Variants in RNLS observed in about 807,000 individuals in gnomAD.
RNLS encodes the protein renalase, FAD dependent amine oxidase, also known as renalase.
Under a neutral mutation model 39.8 loss-of-function variants are expected in RNLS, and 39 were observed. The observed-to-expected ratio is 0.98, with a 90% CI of 0.76 to 1.28. The LOEUF (loss-of-function observed/expected upper bound fraction) is 1.28, where lower values mean the gene tolerates loss of function less well. Ranked by LOEUF, RNLS falls within the 50% of genes most tolerant of loss-of-function variation. The pLI, the probability that RNLS is intolerant of heterozygous loss-of-function variation, is 0.00. For missense variants in RNLS, 410 were observed against 413.3 expected, an observed-to-expected ratio of 0.99 and a Z score of 0.07; for synonymous variants, 147 against 150.7, an observed-to-expected ratio of 0.98 and a Z score of 0.18.
At chr10:88,464,223 A>G (rs1182647259) in intron 4 of RNLS, among the ~76,000 whole-genome samples, 1 of 152,148 alleles carries the variant, frequency 6.6e-6, no homozygotes, top group African/African-American at 2.4e-5. Flanking sequence ...GAAAGCTTGT[A>G]GAAACAGCAC....
intron 4 of RNLS, among the ~76,000 whole-genome samples, chr10:88,536,224 TAC>T (rs1328665573): frequency 6.6e-6 from 1 of 152,214 alleles, no homozygotes; most frequent in Non-Finnish European, 1.5e-5. Context: ...TTAGCATAGT[TAC>T]AGTCATCTTT....
intron 4 of RNLS, among the ~76,000 whole-genome samples, chr10:88,415,050 A>G (rs1424202577): frequency 6.6e-6 from 1 of 152,200 alleles, no homozygotes; most frequent in Non-Finnish European, 1.5e-5. Flanking sequence ...TGTATGTGTG[A>G]GCTCTTAGCA....
intron 4 of RNLS, among the ~76,000 whole-genome samples, chr10:88,556,840 C>A (rs1279018395): frequency 6.6e-6 from 1 of 152,110 alleles, no homozygotes; most frequent in Non-Finnish European, 1.5e-5. Flanking sequence ...TCTATTTCTC[C>A]TATCTTGTTT....
At chr10:88,563,603 A>C (rs978703687) in intron 4 of RNLS, among the ~76,000 whole-genome samples, 1 of 152,156 alleles carries the variant, frequency 6.6e-6, no homozygotes, top group African/African-American at 2.4e-5. Flanking sequence ...GAAGCCAGAG[A>C]ATGTAGCCAG....
chr10:88,286,320 C>T (rs1400333160), intron 6 of RNLS, among the ~76,000 whole-genome samples: 1 of 152,026 alleles, frequency 6.6e-6, no homozygotes, highest in African/African-American at 2.4e-5. Flanking sequence ...GACCCCAAAG[C>T]AGTCTTTTTA....
chr10:88,284,607 C>G lies in RNLS; in HGVS notation c.*747G>C. On this transcript the variant is annotated 3_prime_UTR_variant, in exon 7 of 7. Transcript: ENST00000331772. The stretch of plus-strand genomic sequence containing the variant: ...TGGAGAACCCATAAAGTAACAGCAA[C>G]AGCTATAAAATATAGCAAAAGGTAA... 1 of 985,052 alleles carries G rather than the reference C, an allele frequency of 1.0e-6. No individual in the cohort carries two copies. The highest frequency in any genetic ancestry group is 1.1e-4 in the East Asian group (1 of 8,808). The allele number at this position is 985,052 out of a possible 1,614,324, so 61.0% of individuals were successfully genotyped here. A position where few individuals can be genotyped will look rare whatever the true frequency, so the allele number is the denominator to read the frequency against.
chr10:88,192,546 GC>G, the RNLS span, among the ~76,000 whole-genome samples: 1 of 152,194 alleles, frequency 6.6e-6, no homozygotes, highest in Admixed American at 6.5e-5. Context: ...ACTATGGAGG[GC>G]CTAGAGTATT....
At chr10:88,431,727 T>C (rs565031765) in intron 4 of RNLS, among the ~76,000 whole-genome samples, 100 of 151,870 alleles carry the variant, frequency 6.6e-4, no homozygotes, top group African/African-American at 2.3e-3. Flanking sequence ...ACTTTCCCCT[T>C]GAGCTATTTG....
the RNLS span, among the ~76,000 whole-genome samples, chr10:88,262,511 C>T: frequency 6.6e-6 from 1 of 152,156 alleles, no homozygotes; most frequent in Admixed American, 6.5e-5. Context: ...TAATTTTACC[C>T]CTCACCTAGG....
the RNLS span, among the ~76,000 whole-genome samples, chr10:88,230,810 C>G: frequency 1.3e-5 from 2 of 152,190 alleles, no homozygotes; most frequent in Non-Finnish European, 2.9e-5. Context: ...CCATTGGTTC[C>G]TCCCAAGAAG....
chr10:88,502,281 C>T (rs550664552), intron 4 of RNLS, among the ~76,000 whole-genome samples: 5 of 128,950 alleles, frequency 3.9e-5, no homozygotes, highest in South Asian at 2.7e-4. Context: ...AAGGAGGAGG[C>T]CCTTTAGCAG....
intron 5 of RNLS, among the ~76,000 whole-genome samples, chr10:88,337,509 A>G (rs1374969239): frequency 1.3e-5 from 2 of 152,196 alleles, no homozygotes; most frequent in Non-Finnish European, 2.9e-5. Context: ...TCAGGTCAAT[A>G]AGACTCAATT....
the RNLS span, among the ~76,000 whole-genome samples, chr10:88,171,677 T>C: frequency 6.6e-6 from 1 of 152,262 alleles, no homozygotes; most frequent in Admixed American, 6.5e-5. Context: ...ATTTATCATT[T>C]CTTTGTGTTG....
downstream of RNLS, among the ~76,000 whole-genome samples, chr10:88,271,882 G>A (rs1436757122): frequency 6.6e-6 from 1 of 152,146 alleles, no homozygotes; most frequent in Non-Finnish European, 1.5e-5. Flanking sequence ...TTCTGTATGC[G>A]GCTCTAACTC....
At chr10:88,455,639 C>T (rs185799765) in intron 4 of RNLS, among the ~76,000 whole-genome samples, 1 of 152,274 alleles carries the variant, frequency 6.6e-6, no homozygotes, top group East Asian at 1.9e-4. Context: ...ATCTCTTGAT[C>T]TCGTGATCCG....
intron 4 of RNLS, among the ~76,000 whole-genome samples, chr10:88,539,852 T>C (rs1259003926): frequency 6.6e-6 from 1 of 152,144 alleles, no homozygotes; most frequent in Non-Finnish European, 1.5e-5. Flanking sequence ...ATATCATTCA[T>C]GATCTAATTT....
chr10:88,563,313 G>C (rs1455213296), intron 4 of RNLS, among the ~76,000 whole-genome samples: 1 of 152,050 alleles, frequency 6.6e-6, no homozygotes, highest in Non-Finnish European at 1.5e-5. Flanking sequence ...GTTTCCATAG[G>C]AAAAGAGTTT....
At chr10:88,298,670 A>G (rs1048191670) in intron 6 of RNLS, among the ~76,000 whole-genome samples, 21 of 152,228 alleles carry the variant, frequency 1.4e-4, no homozygotes, top group African/African-American at 5.1e-4. Flanking sequence ...TGAACTTTCA[A>G]TTACATTCCA....
At chr10:88,242,802 C>T in the RNLS span, among the ~76,000 whole-genome samples, 1 of 152,096 alleles carries the variant, frequency 6.6e-6, no homozygotes, top group African/African-American at 2.4e-5. Flanking sequence ...ACAAAATTAG[C>T]CAGGCGTGGT....
Sources: allele counts gnomAD v4.1 joint callset (sites outside exome capture counted in the v4.1 genomes callset), GRCh38; gene constraint gnomAD v4.1.1; transcripts MANE v1.5; gene names NCBI Gene and HGNC (gene_info 2026-07-23, HGNC 2026-07-21).